The following RXRG variants were observed in gnomAD, a reference collection of about 807,000 sequenced individuals.
The protein encoded by RXRG is retinoic acid receptor RXR-gamma.
RXRG carries 19 observed loss-of-function variants against 49.2 expected under a neutral mutation model. The ratio of observed to expected loss-of-function variants is 0.39; its 90% CI spans 0.27 to 0.57. RXRG has a LOEUF of 0.57. Ranked by LOEUF, RXRG falls within the 20% of genes least tolerant of loss-of-function variation. RXRG has a pLI of 0.64. For missense variants in RXRG, 452 were observed against 592.5 expected (o/e 0.76, Z 2.46); for synonymous variants, 224 against 216.6 (o/e 1.03, Z -0.30).
At chr1:165,415,130 G>T (rs996139645) in intron 4 of RXRG, among the ~76,000 whole-genome samples, 9 of 152,130 alleles carry the variant, frequency 5.9e-5, no homozygotes, top group African/African-American at 2.2e-4. Context: ...GATATAACCA[G>T]GCAAGGCTTT....
At chr1:165,437,275 G>T in intron 1 of RXRG, 1 of 1,321,482 alleles carries the variant, frequency 7.6e-7, no homozygotes, top group Non-Finnish European at 1.0e-6. Flanking sequence ...TATGGGCTGT[G>T]TAAGACACCA....
At chr1:165,431,499 G>C (rs1040169645) in intron 1 of RXRG, among the ~76,000 whole-genome samples, 3 of 152,308 alleles carry the variant, frequency 2.0e-5, no homozygotes, top group African/African-American at 7.2e-5. Context: ...CAATGGGTGA[G>C]GAGCCATAAA....
Position 165,409,671 on chromosome 1 carries a change from A to C in RXRG, c.933T>G (p.Ile311Met), listed in dbSNP as rs754342097. 2.6e-6 allele frequency: 4 copies of C among 1,536,168 alleles called. No individual in the cohort carries two copies. Among genetic ancestry groups the C allele is most frequent in the Non-Finnish European group, 3.5e-6 (4 of 1,142,704 alleles). ...AAACTGAGCGGTGGGAGAAAGAGGC[A>C]ATCAGCAATTCATTCCACCCTGCAA... ...LLRAGWNELLIASFSHRSVSV... is the reference protein window; with the variant it reads ...LLRAGWNELLMASFSHRSVSV... Residue 311 changes from isoleucine to methionine, a missense_variant, in exon 7 of 10, where the codon ATT becomes ATG. By Grantham distance (10) the Ile-to-Met change is conservative. Coordinates refer to ENST00000359842, the MANE Select transcript of RXRG (RefSeq NM_006917.5).
chr1:165,443,805 C>T (rs41424948), intron 1 of RXRG, among the ~76,000 whole-genome samples: 48,921 of 152,088 alleles, frequency 0.32, 8,642 homozygotes, highest in Non-Finnish European at 0.39. Context: ...AGCTTTAGTC[C>T]CAAGCCTTCA....
intron 3 of RXRG, among the ~76,000 whole-genome samples, chr1:165,417,863 G>A (rs1412900089): frequency 1.3e-5 from 2 of 152,122 alleles, no homozygotes; most frequent in Non-Finnish European, 2.9e-5. Context: ...AGCACTTTGG[G>A]AGGCTGAGGT....
chr1:165,401,334 TGAA>T lies in RXRG; in HGVS notation c.1318_1320del (p.Phe440del), dbSNP rs776679027. 2 of 1,614,042 alleles carry T rather than the reference TGAA, an allele frequency of 1.2e-6. No individual in the cohort carries two copies. The highest frequency in any genetic ancestry group is 2.2e-5 in the East Asian group (1 of 44,856). ...TCAATGGGGGTGTCCCCGATGAGCTTGAAGAAGAAGAGGTGCTCCAGGCATTTC... is the reference window on the plus strand; with the variant it reads ...TCAATGGGGGTGTCCCCGATGAGCTTGAAGAAGAGGTGCTCCAGGCATTTC... On this transcript the variant is annotated inframe_deletion, in exon 10 of 10. Transcript: ENST00000359842.
At chr1:165,430,802 TTTGC>T (rs544317445) in intron 1 of RXRG, among the ~76,000 whole-genome samples, 2 of 152,200 alleles carry the variant, frequency 1.3e-5, no homozygotes, top group Non-Finnish European at 2.9e-5. Context: ...ATTTCAGCCT[TTTGC>T]AGATGAGAAA....
intron 4 of RXRG, among the ~76,000 whole-genome samples, chr1:165,413,326 G>T (rs778404016): frequency 6.6e-6 from 1 of 152,030 alleles, no homozygotes; most frequent in Admixed American, 6.5e-5. Flanking sequence ...TGTTTATTTC[G>T]CACTTATTAC....
At chr1:165,415,557 G>A (rs1658097198) in intron 4 of RXRG, among the ~76,000 whole-genome samples, 1 of 152,122 alleles carries the variant, frequency 6.6e-6, no homozygotes, top group Non-Finnish European at 1.5e-5. Context: ...CTTAGATTGG[G>A]GGGTTAGTGG....
At chr1:165,432,946 A>G (rs1333460467) in intron 1 of RXRG, among the ~76,000 whole-genome samples, 1 of 152,216 alleles carries the variant, frequency 6.6e-6, no homozygotes, top group African/African-American at 2.4e-5. Flanking sequence ...AATTTAAACC[A>G]TAAGAGAGTA....
Position 165,409,693 on chromosome 1 carries a change from G to A in RXRG, c.914-3C>T. Reference sequence around the variant, plus strand: ...GGCAATCAGCAATTCATTCCACCCTGCAAGGATAAGGAGGAGGTCTTGAGG... The same window carrying A: ...GGCAATCAGCAATTCATTCCACCCTACAAGGATAAGGAGGAGGTCTTGAGG... On this transcript the variant is annotated splice_region_variant and splice_polypyrimidine_tract_variant and intron_variant, in intron 6 of 9. Transcript: ENST00000359842. 12 of 1,501,286 alleles carry A rather than the reference G, an allele frequency of 8.0e-6. No homozygotes were observed. Among genetic ancestry groups the A allele is most frequent in the Non-Finnish European group, 1.1e-5 (12 of 1,125,612 alleles). 93.0% of individuals were successfully genotyped at this position (1,501,286 alleles called of 1,614,324 possible).
intron 3 of RXRG, 33 bp downstream of exon 3, chr1:165,419,837 C>A: frequency 6.5e-7 from 1 of 1,544,414 alleles, no homozygotes. Context: ...TTCTCTGTGG[C>A]ACTTTTCAGG....
At chr1:165,413,728 T>C (rs1165780147) in intron 4 of RXRG, among the ~76,000 whole-genome samples, 1 of 152,186 alleles carries the variant, frequency 6.6e-6, no homozygotes, top group Admixed American at 6.5e-5. Flanking sequence ...GGCCCACTAA[T>C]CAGAGGGTCC....
At chr1:165,434,147 G>A (rs1658758103) in intron 1 of RXRG, among the ~76,000 whole-genome samples, 1 of 152,230 alleles carries the variant, frequency 6.6e-6, no homozygotes, top group East Asian at 1.9e-4. Flanking sequence ...AGACTATGAG[G>A]TCCATTAATT....
chr1:165,424,554 T>C (rs1448143447), intron 2 of RXRG, among the ~76,000 whole-genome samples: 1 of 152,156 alleles, frequency 6.6e-6, no homozygotes, highest in Non-Finnish European at 1.5e-5. Flanking sequence ...CAAGTTAAAG[T>C]GGTTTGCAAA....
At chr1:165,439,088 A>T (rs1323399763) in intron 1 of RXRG, among the ~76,000 whole-genome samples, 1 of 152,056 alleles carries the variant, frequency 6.6e-6, no homozygotes, top group Non-Finnish European at 1.5e-5. Context: ...AAGTAATAAA[A>T]TTGTAATTTA....
rs181146498 is a variant in RXRG, at chr1:165,409,597, C to A, written c.1007G>T (p.Ser336Ile). 1 of 1,569,024 alleles carries A rather than the reference C, an allele frequency of 6.4e-7. No homozygotes were observed. Among genetic ancestry groups the A allele is most frequent in the Non-Finnish European group, 8.6e-7 (1 of 1,158,904 alleles). Reference protein sequence around the residue: ...LLATGLHVHRSSAHSAGVGSI... With the variant: ...LLATGLHVHRISAHSAGVGSI... ...GCCGACCCCAGCACTGTGGGCACTGCTCCGGTGGACATGTAAACCCGTGGC... is the reference window on the plus strand; with the variant it reads ...GCCGACCCCAGCACTGTGGGCACTGATCCGGTGGACATGTAAACCCGTGGC... Residue 336 changes from serine (S) to isoleucine (I), a missense_variant, in exon 7 of 10, where the codon AGC becomes ATC. Physicochemically the swap from Ser to Ile is moderately radical, Grantham distance 142 (BLOSUM62 -2). Transcript: ENST00000359842.
At chr1:165,432,705 CTA>C (rs1402622671) in intron 1 of RXRG, among the ~76,000 whole-genome samples, 1 of 152,166 alleles carries the variant, frequency 6.6e-6, no homozygotes, top group Admixed American at 6.5e-5. Context: ...TCTGATTAAG[CTA>C]TGAACTAGGC....
intron 1 of RXRG, among the ~76,000 whole-genome samples, chr1:165,430,797 A>G (rs1299822314): frequency 6.6e-6 from 1 of 152,234 alleles, no homozygotes; most frequent in Non-Finnish European, 1.5e-5. Flanking sequence ...AAATCATTTC[A>G]GCCTTTTGCA....
Sources: gnomAD v4.1 joint callset for allele counts (sites outside exome capture counted in the v4.1 genomes callset) on GRCh38, gnomAD v4.1.1 for gene constraint, MANE v1.5 for transcripts, NCBI Gene and HGNC (gene_info 2026-07-23, HGNC 2026-07-21) for gene names.